The following PAIP2 variants were observed in gnomAD, a reference collection of about 807,000 sequenced individuals.
PAIP2 encodes polyadenylate-binding protein-interacting protein 2.
In PAIP2, 7 loss-of-function variants were observed where a neutral mutation model predicts 14.8. The ratio of observed to expected loss-of-function variants is 0.47; its 90% CI spans 0.27 to 0.89. PAIP2 has a LOEUF of 0.89. Ranked by LOEUF, PAIP2 falls within the 40% of genes least tolerant of loss-of-function variation. PAIP2 has a pLI of 0.13. For missense variants in PAIP2, 122 were observed against 154.7 expected (o/e 0.79, Z 1.12); for synonymous variants, 47 against 45.3 (o/e 1.04, Z -0.15).
intron 1 of PAIP2, among the ~76,000 whole-genome samples, chr5:139,344,531 C>T (rs1756478476): frequency 6.6e-6 from 1 of 152,084 alleles, no homozygotes. Flanking sequence ...TGGTTATGAG[C>T]ACTTGAGATG....
chr5:139,343,427 T>A lies in PAIP2; in HGVS notation c.-27+1447T>A, dbSNP rs145189454. 5.3e-5 allele frequency: 8 copies of A among 152,268 alleles called. No homozygotes were observed. In the East Asian group the frequency reaches 1.5e-3, roughly 29 times the overall value. The allele number at this position is 152,268 out of a possible 1,614,324, so 9.4% of individuals were successfully genotyped here. A position where few individuals can be genotyped will look rare whatever the true frequency, so the allele number is the denominator to read the frequency against. On this transcript the variant is annotated intron_variant, in intron 1 of 3. Coordinates refer to ENST00000265192, the MANE Select transcript of PAIP2 (RefSeq NM_016480.5). ...TTGAGGTAGGTAATTTCACCCTCTT[T>A]TGGTCAGAATGAGTTTATAGCAGGC...
intron 1 of PAIP2, among the ~76,000 whole-genome samples, chr5:139,351,641 T>C (rs1756738004): frequency 6.6e-6 from 1 of 152,104 alleles, no homozygotes; most frequent in Non-Finnish European, 1.5e-5. Flanking sequence ...CCTAACTTTT[T>C]TTCTTTTTTT....
chr5:139,350,495 G>A (rs750470357), intron 1 of PAIP2, among the ~76,000 whole-genome samples: 1 of 151,928 alleles, frequency 6.6e-6, no homozygotes, highest in Non-Finnish European at 1.5e-5. Flanking sequence ...GTGTGTCATG[G>A]TGGCATGCGC....
rs547130705 is a variant in PAIP2 at position 139,346,324 on chromosome 5, C to G, written c.-27+4344C>G. 5.9e-5 allele frequency among the ~76,000 whole-genome samples: 9 copies of G among 152,352 alleles called. No homozygotes were observed. The South Asian group carries it at 6.2e-4, about 11-fold the overall frequency. ...TGGCGCAATCTTGGCTCACTGCAAC[C>G]TCCGCCTCCCAGGTTCCAGTGATTC... On this transcript the variant is annotated intron_variant, in intron 1 of 3. Coordinates refer to ENST00000265192, the MANE Select transcript of PAIP2 (RefSeq NM_016480.5).
At chr5:139,342,856 G>C (rs773357216) in intron 1 of PAIP2, 2 of 151,866 alleles carry the variant, frequency 1.3e-5, no homozygotes, top group Non-Finnish European at 2.9e-5. Context: ...TCCCTGATTT[G>C]GCACCCGTAT....
At chr5:139,347,753 A>T (rs1255660889) in intron 1 of PAIP2, among the ~76,000 whole-genome samples, 4 of 152,258 alleles carry the variant, frequency 2.6e-5, no homozygotes, top group African/African-American at 4.8e-5. Context: ...AATAATTTTT[A>T]AAAAACTGTG....
At chr5:139,352,513 T>TTTGTTTTTTTTTC (rs1756775922) in intron 1 of PAIP2, among the ~76,000 whole-genome samples, 1 of 148,912 alleles carries the variant, frequency 6.7e-6, no homozygotes, top group South Asian at 2.1e-4. Context: ...TTTTTTTTTT[T>TTTGTTTTTTTTTC]TGAGATGGAG....
At chr5:139,363,491 T>G (rs1291800840) in intron 1 of PAIP2, among the ~76,000 whole-genome samples, 1 of 151,842 alleles carries the variant, frequency 6.6e-6, no homozygotes, top group African/African-American at 2.4e-5. Flanking sequence ...GAGGCTTGGG[T>G]GGGAGGATCA....
intron 1 of PAIP2, among the ~76,000 whole-genome samples, chr5:139,354,176 ACG>A (rs1756837873): frequency 6.6e-6 from 1 of 152,194 alleles, no homozygotes; most frequent in South Asian, 2.1e-4. Flanking sequence ...TTCAGCCTGA[ACG>A]ACTCACTTTA....
At chr5:139,352,502 G>GTTTTTTTTTTTTTTTTTT (rs536704901) in intron 1 of PAIP2, among the ~76,000 whole-genome samples, 27 of 76,168 alleles carry the variant, frequency 3.5e-4, no homozygotes, top group Non-Finnish European at 4.7e-4. Context: ...TTTTTTTGTT[G>GTTTTTTTTTTTTTTTTTT]TTTTTTTTTT....
chr5:139,367,318 T>G (rs1285144953), intron 3 of PAIP2: 1 of 152,200 alleles, frequency 6.6e-6, no homozygotes, highest in African/African-American at 2.4e-5. Context: ...CTCATTTCTT[T>G]TTATTTTTTT....
At chr5:139,367,649 T>C (rs963789724) in intron 3 of PAIP2, 1 of 152,208 alleles carries the variant, frequency 6.6e-6, no homozygotes, top group African/African-American at 2.4e-5. Context: ...AATTAGAAGA[T>C]GGCAATTGTA....
intron 1 of PAIP2, among the ~76,000 whole-genome samples, chr5:139,362,405 GTTTTTTT>G (rs554669690): frequency 1.4e-5 from 1 of 73,928 alleles, no homozygotes; most frequent in Non-Finnish European, 2.7e-5. Context: ...GTTTTTGGGT[GTTTTTTT>G]TTTTTTTTTT....
intron 1 of PAIP2, among the ~76,000 whole-genome samples, chr5:139,348,473 GCCT>G (rs1309096311): frequency 6.6e-6 from 1 of 151,830 alleles, no homozygotes; most frequent in African/African-American, 2.4e-5. Flanking sequence ...TCCTGCCTCG[GCCT>G]CCTGAGTAGC....
chr5:139,342,188 C>CT (rs1363968103), intron 1 of PAIP2, among the ~76,000 whole-genome samples: 1 of 151,904 alleles, frequency 6.6e-6, no homozygotes, highest in African/African-American at 2.4e-5. Flanking sequence ...ATGGCCGTCG[C>CT]TTTTTTTTCA....
chr5:139,364,741 G>A lies in PAIP2; in HGVS notation c.316G>A (p.Val106Met). The change falls in exon 3 of 4, where the codon GTG becomes ATG. Residue 106 changes from valine (V) to methionine (M), a missense_variant and splice_region_variant. Physicochemically the swap from Val to Met is conservative, Grantham distance 21 (BLOSUM62 1). Around this residue, in one of 3 missense-constraint regions of PAIP2, gnomAD observed 46 missense variants for 44.0 expected, o/e 1.05. Coordinates refer to ENST00000265192, the MANE Select transcript of PAIP2 (RefSeq NM_016480.5). ...TGATGGCTCTTCTCTGGAAGATCTT[G>A]TGGTAAAAAGTTATTTTTCATCTTT... ...ISDGSSLEDL[V>M]VKSNLNPNAK... 6.3e-7 allele frequency: 1 copy of A among 1,589,338 alleles called. No homozygotes were observed. Among genetic ancestry groups the A allele is most frequent in the Non-Finnish European group, 8.6e-7 (1 of 1,165,466 alleles).
intron 1 of PAIP2, among the ~76,000 whole-genome samples, chr5:139,343,939 A>G (rs1351711112): frequency 6.6e-6 from 1 of 152,070 alleles, no homozygotes; most frequent in Non-Finnish European, 1.5e-5. Flanking sequence ...GATGGTCTCG[A>G]TCTCCTGACT....
chr5:139,348,858 A>G (rs1756638554), intron 1 of PAIP2, among the ~76,000 whole-genome samples: 1 of 150,956 alleles, frequency 6.6e-6, no homozygotes, highest in South Asian at 2.1e-4. Context: ...TTGTATTTTT[A>G]GTAGAGACGG....
At chr5:139,351,326 AAG>A (rs1055492665) in intron 1 of PAIP2, among the ~76,000 whole-genome samples, 6 of 152,172 alleles carry the variant, frequency 3.9e-5, no homozygotes, top group African/African-American at 9.6e-5. Flanking sequence ...AAAAAAAAAA[AAG>A]AGTGATCATA....
Sources: allele counts gnomAD v4.1 joint callset (sites outside exome capture counted in the v4.1 genomes callset), GRCh38; gene constraint gnomAD v4.1.1; regional missense constraint gnomAD v4.1.1; transcripts MANE v1.5; gene names NCBI Gene and HGNC (gene_info 2026-07-23, HGNC 2026-07-21).